The following GRIN2A variants were observed in gnomAD, a reference collection of about 807,000 sequenced individuals.
GRIN2A encodes glutamate receptor ionotropic, NMDA 2A.
A neutral mutation model predicts 113.4 loss-of-function variants in GRIN2A; 22 were observed. The ratio of observed to expected loss-of-function variants is 0.19; its 90% CI spans 0.14 to 0.28. The LOEUF (loss-of-function observed/expected upper bound fraction) is 0.28. GRIN2A is among the 10% of genes least tolerant of loss of function. The pLI is 1.00. For synonymous variants in GRIN2A, 827 were observed against 738.4 expected, an observed-to-expected ratio of 1.12 and a Z score of -1.94; for missense variants, 1,502 against 1,887.0, an observed-to-expected ratio of 0.80 and a Z score of 3.78.
chr16:9,900,766 A>C (rs571804782), intron 3 of GRIN2A, among the ~76,000 whole-genome samples: 1 of 152,334 alleles, frequency 6.6e-6, no homozygotes, highest in Non-Finnish European at 1.5e-5. Context: ...AAATAGCACC[A>C]AATGCGTCAC....
At chr16:9,820,751 G>A (rs958975838) in intron 10 of GRIN2A, among the ~76,000 whole-genome samples, 2 of 152,154 alleles carry the variant, frequency 1.3e-5, no homozygotes, top group African/African-American at 4.8e-5. Flanking sequence ...AAGAGGGTGT[G>A]GGGCGGGGTT....
At chr16:9,824,940 C>A (rs936761693) in intron 9 of GRIN2A, among the ~76,000 whole-genome samples, 1 of 152,046 alleles carries the variant, frequency 6.6e-6, no homozygotes, top group East Asian at 1.9e-4. Context: ...GTGCTTGCTG[C>A]GAGAATGATT....
chr16:10,119,795 G>T (rs895280875), intron 2 of GRIN2A, among the ~76,000 whole-genome samples: 4 of 152,076 alleles, frequency 2.6e-5, no homozygotes, highest in African/African-American at 9.6e-5. Flanking sequence ...CCCTGTGTTC[G>T]CACTGTTTAG....
intron 2 of GRIN2A, among the ~76,000 whole-genome samples, chr16:9,977,541 C>T (rs1362629191): frequency 1.3e-5 from 2 of 152,146 alleles, no homozygotes; most frequent in Admixed American, 6.5e-5. Context: ...GAGTTCTGTG[C>T]GCACGCTAGG....
chr16:9,785,133 T>C (rs1373068796), intron 11 of GRIN2A, among the ~76,000 whole-genome samples: 3 of 152,120 alleles, frequency 2.0e-5, no homozygotes, highest in African/African-American at 7.2e-5. Context: ...TAAAGACACA[T>C]GCACACGTGT....
chr16:9,928,530 C>T (rs1159292966), intron 3 of GRIN2A, among the ~76,000 whole-genome samples: 2 of 152,120 alleles, frequency 1.3e-5, no homozygotes, highest in African/African-American at 4.8e-5. Context: ...GGTTTTCCCC[C>T]TGCCTGAACT....
chr16:10,112,729 G>T, intron 2 of GRIN2A: 1 of 733,740 alleles, frequency 1.4e-6, no homozygotes, highest in Non-Finnish European at 2.5e-6. Flanking sequence ...CAGGACAAAG[G>T]GTCCATTCAG....
At chr16:10,099,347 A>T (rs1407524739) in intron 2 of GRIN2A, among the ~76,000 whole-genome samples, 2 of 152,234 alleles carry the variant, frequency 1.3e-5, no homozygotes, top group African/African-American at 4.8e-5. Flanking sequence ...AAAATAAAAC[A>T]TTCTTAGTAA....
rs1900656072 is a variant in GRIN2A at position 9,763,031 on chromosome 16, A to G, written c.*118T>C. Reference sequence around the variant, plus strand: ...AAAGAGCCAACAACAACAACAACAAAATACCTCCCTACATCTTCTTCCTCT... The same window carrying G: ...AAAGAGCCAACAACAACAACAACAAGATACCTCCCTACATCTTCTTCCTCT... On this transcript the variant is annotated 3_prime_UTR_variant, in exon 13 of 13. Coordinates refer to ENST00000330684, the MANE Select transcript of GRIN2A (RefSeq NM_001134407.3). The G allele has an allele frequency of 3.8e-6, 4 of 1,039,264 alleles. No individual in the cohort carries two copies. Among genetic ancestry groups the G allele is most frequent in the Non-Finnish European group, 5.7e-6 (4 of 696,104 alleles). The allele number at this position is 1,039,264 out of a possible 1,614,324, so 64.4% of individuals were successfully genotyped here. A position where few individuals can be genotyped will look rare whatever the true frequency, so the allele number is the denominator to read the frequency against.
intron 2 of GRIN2A, among the ~76,000 whole-genome samples, chr16:10,086,593 G>A (rs543047472): frequency 1.4e-5 from 2 of 144,360 alleles, no homozygotes; most frequent in South Asian, 4.6e-4. Context: ...ATACCAGGGG[G>A]TGGAGCAGCT....
chr16:10,145,700 G>C (rs957046760), intron 2 of GRIN2A, among the ~76,000 whole-genome samples: 2 of 152,156 alleles, frequency 1.3e-5, no homozygotes, highest in African/African-American at 4.8e-5. Context: ...TTTCTGTAAA[G>C]GGCCAGATAG....
At chr16:10,162,869 A>G (rs961150824) in intron 2 of GRIN2A, among the ~76,000 whole-genome samples, 2 of 152,130 alleles carry the variant, frequency 1.3e-5, no homozygotes, top group Non-Finnish European at 2.9e-5. Flanking sequence ...ACCTCCATGA[A>G]CCAGGACAGG....
chr16:10,096,504 G>A (rs1295924085), intron 2 of GRIN2A, among the ~76,000 whole-genome samples: 1 of 146,514 alleles, frequency 6.8e-6, no homozygotes, highest in Non-Finnish European at 1.5e-5. Context: ...AACTAATAGT[G>A]TTCTTCTTTT....
chr16:9,825,125 G>T (rs1259712879), intron 9 of GRIN2A, among the ~76,000 whole-genome samples: 2 of 152,208 alleles, frequency 1.3e-5, no homozygotes, highest in African/African-American at 4.8e-5. Flanking sequence ...GGGTTCCCTT[G>T]CTGTGTAGGT....
At chr16:10,100,850 C>G (rs751040467) in intron 2 of GRIN2A, among the ~76,000 whole-genome samples, 57 of 152,226 alleles carry the variant, frequency 3.7e-4, no homozygotes, top group Non-Finnish European at 7.4e-4. Flanking sequence ...TCCCTAACCA[C>G]TGGAGTTAAT....
intron 3 of GRIN2A, among the ~76,000 whole-genome samples, chr16:9,926,795 G>T (rs1018821383): frequency 9.2e-5 from 14 of 152,142 alleles, no homozygotes; most frequent in African/African-American, 3.4e-4. Flanking sequence ...TCATTAGCAG[G>T]TCAGGATATG....
intron 2 of GRIN2A, among the ~76,000 whole-genome samples, chr16:10,145,825 T>C (rs998102107): frequency 6.6e-6 from 1 of 152,232 alleles, no homozygotes; most frequent in Admixed American, 6.5e-5. Flanking sequence ...AATTCTGTTC[T>C]AATAAAACTT....
intron 4 of GRIN2A, among the ~76,000 whole-genome samples, chr16:9,877,918 C>A (rs927142517): frequency 6.8e-6 from 1 of 146,194 alleles, no homozygotes; most frequent in Non-Finnish European, 1.5e-5. Context: ...CAGGGCTTTG[C>A]GTTTCTCTAC....
At chr16:9,789,303 G>C (rs1902442538) in intron 11 of GRIN2A, among the ~76,000 whole-genome samples, 1 of 152,112 alleles carries the variant, frequency 6.6e-6, no homozygotes, top group Non-Finnish European at 1.5e-5. Flanking sequence ...TAAACCAGCA[G>C]ACTAAAGAAC....
Sources: allele counts gnomAD v4.1 joint callset (sites outside exome capture counted in the v4.1 genomes callset), GRCh38; gene constraint gnomAD v4.1.1; transcripts MANE v1.5; gene names NCBI Gene and HGNC (gene_info 2026-07-23, HGNC 2026-07-21).